HDAC8: variants seen among roughly 807,000 people sequenced by gnomAD.
HDAC8 encodes the protein histone deacetylase-like 1.
Under a neutral mutation model 32.2 loss-of-function variants are expected in HDAC8, and 1 was observed. The ratio of observed to expected loss-of-function variants is 0.03; its 90% CI spans 0.01 to 0.15. The LOEUF is 0.15. Ranked by LOEUF, HDAC8 falls within the 10% of genes least tolerant of loss-of-function variation. The pLI is 1.00. For synonymous variants in HDAC8, 108 were observed against 113.9 expected, an observed-to-expected ratio of 0.95 and a Z score of 0.33; for missense variants, 117 against 300.0, an observed-to-expected ratio of 0.39 and a Z score of 4.51.
At chrX:72,415,502 C>T (rs1053522356) in intron 9 of HDAC8, among the ~76,000 whole-genome samples, 12 of 111,944 alleles carry the variant, frequency 1.1e-4, no homozygotes, top group Non-Finnish European at 1.9e-4. Flanking sequence ...TTGTCTCAGA[C>T]CTGTATAAAT....
intron 7 of HDAC8, among the ~76,000 whole-genome samples, chrX:72,472,154 G>A (rs1232952352): frequency 9.5e-6 from 1 of 104,739 alleles, no homozygotes; most frequent in South Asian, 4.3e-4. Flanking sequence ...TGCAAGCTCC[G>A]CCTCCCGGGT....
intron 4 of HDAC8, among the ~76,000 whole-genome samples, chrX:72,503,720 T>C (rs782696853): frequency 1.1e-3 from 119 of 112,268 alleles, no homozygotes; most frequent in Middle Eastern, 4.6e-3. Flanking sequence ...ATTAGAAACA[T>C]TGGTATGTAA....
intron 9 of HDAC8, among the ~76,000 whole-genome samples, chrX:72,355,987 C>A (rs901657473): frequency 1.8e-5 from 2 of 112,109 alleles, no homozygotes; most frequent in Non-Finnish European, 3.8e-5. Context: ...CAATACTACA[C>A]GTATTACAAG....
intron 7 of HDAC8, among the ~76,000 whole-genome samples, chrX:72,471,962 A>T (rs1445080247): frequency 8.9e-6 from 1 of 112,160 alleles, no homozygotes; most frequent in East Asian, 2.7e-4. Flanking sequence ...TTTTCATCTA[A>T]GAGTTTTATA....
intron 9 of HDAC8, among the ~76,000 whole-genome samples, chrX:72,426,793 AC>A (rs1226479556): frequency 1.8e-5 from 2 of 110,184 alleles, no homozygotes; most frequent in African/African-American, 6.6e-5. Context: ...TGAAGCCCTA[AC>A]CCCCACTGTG....
chrX:72,422,100 C>T (rs782406424), intron 9 of HDAC8, among the ~76,000 whole-genome samples: 9 of 111,450 alleles, frequency 8.1e-5, no homozygotes, highest in Non-Finnish European at 1.3e-4. Flanking sequence ...TTGTCTTTGT[C>T]AACAGTTTGA....
intron 9 of HDAC8, among the ~76,000 whole-genome samples, chrX:72,354,849 G>A (rs1412681698): frequency 9.0e-6 from 1 of 111,630 alleles, no homozygotes; most frequent in Non-Finnish European, 1.9e-5. Flanking sequence ...TGGGCTGTTA[G>A]GAGCCAATGA....
chrX:72,497,196 G>A (rs1400993239), intron 4 of HDAC8, among the ~76,000 whole-genome samples: 2 of 110,992 alleles, frequency 1.8e-5, no homozygotes, highest in African/African-American at 6.6e-5. Flanking sequence ...TAATGATGAC[G>A]AAGATGATGT....
intron 9 of HDAC8, among the ~76,000 whole-genome samples, chrX:72,442,394 G>A (rs1297939289): frequency 9.0e-6 from 1 of 111,591 alleles, no homozygotes; most frequent in East Asian, 2.8e-4. Flanking sequence ...CATTCTTAAA[G>A]AAAAGAATTT....
At chrX:72,567,068 T>TG (rs1248511124) in intron 4 of HDAC8, among the ~76,000 whole-genome samples, 1 of 111,854 alleles carries the variant, frequency 8.9e-6, no homozygotes, top group Non-Finnish European at 1.9e-5. Flanking sequence ...TCACTTGAAC[T>TG]GGGAAGGAGG....
intron 10 of HDAC8, among the ~76,000 whole-genome samples, chrX:72,349,044 C>G (rs2044103411): frequency 8.9e-6 from 1 of 112,336 alleles, no homozygotes; most frequent in Admixed American, 9.4e-5. Flanking sequence ...GCAGTCTGTT[C>G]CACTTTGGAT....
chrX:72,555,018 C>A (rs1314411538), intron 4 of HDAC8, among the ~76,000 whole-genome samples: 1 of 112,195 alleles, frequency 8.9e-6, no homozygotes, highest in African/African-American at 3.2e-5. Context: ...CCACTTCACT[C>A]CCCTGCTACC....
chrX:72,459,837 ATT>A (rs2047820818), intron 9 of HDAC8, among the ~76,000 whole-genome samples: 2 of 111,764 alleles, frequency 1.8e-5, no homozygotes, highest in African/African-American at 6.5e-5. Context: ...TGTTAATCTG[ATT>A]TCAGAGGACC....
intron 9 of HDAC8, among the ~76,000 whole-genome samples, chrX:72,380,258 C>T (rs1423408664): frequency 8.9e-6 from 1 of 111,906 alleles, no homozygotes; most frequent in Non-Finnish European, 1.9e-5. Flanking sequence ...TAAAGTTAAT[C>T]ATTTGTCTCT....
chrX:72,330,211 C>A, intron 10 of HDAC8, 135 bp from the exon 11 acceptor site: 1 of 486,465 alleles, frequency 2.1e-6, no homozygotes, highest in South Asian at 3.6e-5. Flanking sequence ...GTGACCTCGC[C>A]ATAAGGAACA....
intron 4 of HDAC8, among the ~76,000 whole-genome samples, chrX:72,504,441 T>C (rs2049321539): frequency 8.9e-6 from 1 of 111,987 alleles, no homozygotes; most frequent in Non-Finnish European, 1.9e-5. Context: ...ATCTTTTATG[T>C]CTGGCTTCTT....
chrX:72,422,138 T>C (rs1451045499), intron 9 of HDAC8, among the ~76,000 whole-genome samples: 1 of 111,606 alleles, frequency 9.0e-6, no homozygotes, highest in African/African-American at 3.3e-5. Context: ...GTGGGTCTAT[T>C]CTACTTGGAG....
chrX:72,417,529 T>G (rs909739082), intron 9 of HDAC8, among the ~76,000 whole-genome samples: 3 of 111,690 alleles, frequency 2.7e-5, no homozygotes, highest in Non-Finnish European at 5.7e-5. Flanking sequence ...GAAAGATTTC[T>G]ACAATGAGAA....
intron 9 of HDAC8, among the ~76,000 whole-genome samples, chrX:72,453,460 A>AGAAAGAAAAGAAAG (rs2047627646): frequency 2.3e-4 from 10 of 43,496 alleles, no homozygotes; most frequent in African/African-American, 9.9e-4. Context: ...CTGTCTCTTA[A>AGAAAGAAAAGAAAG]AAATAAAGAA....
Sources: allele counts gnomAD v4.1 joint callset (sites outside exome capture counted in the v4.1 genomes callset), GRCh38; gene constraint gnomAD v4.1.1; transcripts MANE v1.5; gene names NCBI Gene and HGNC (gene_info 2026-07-23, HGNC 2026-07-21).